COL18A1: variants seen among roughly 807,000 people sequenced by gnomAD.
The protein encoded by COL18A1 is collagen type XVIII alpha 1 chain.
Under a neutral mutation model 168.0 loss-of-function variants are expected in COL18A1, and 133 were observed. The ratio of observed to expected loss-of-function variants is 0.79; its 90% confidence interval spans 0.69 to 0.91. The LOEUF (loss-of-function observed/expected upper bound fraction) is 0.91, where lower values mean the gene tolerates loss of function less well. Among genes scored for constraint, COL18A1 ranks in the 40% least tolerant of loss-of-function variants. The probability of loss-of-function intolerance (pLI) is 0.00; values close to 1 mark genes in which losing one functional copy is unlikely to be tolerated. For synonymous variants in COL18A1, 949 were observed against 809.0 expected, an observed-to-expected ratio of 1.17 and a Z score of -2.94; for missense variants, 2,126 against 1,925.4, an observed-to-expected ratio of 1.10 and a Z score of -1.95.
At chr21:45,422,757 C>T (rs2033667280) in intron 2 of COL18A1, 2 of 228,914 alleles carry the variant, frequency 8.7e-6, no homozygotes, top group African/African-American at 4.7e-5. Context: ...CTTTGGGAGA[C>T]CACCTGGTGG....
Position 45,468,399 on chromosome 21 carries a change from C to T in COL18A1, c.264C>T (p.Phe88=). 2 of 1,614,028 alleles carry T rather than the reference C, an allele frequency of 1.2e-6. No homozygotes were observed. Among genetic ancestry groups the T allele is most frequent in the Non-Finnish European group, 1.7e-6 (2 of 1,180,034 alleles). ...QVARYHFPSL[F]FRDFSLLFHI... Reference sequence around the variant, plus strand: ...CCCGGTACCACTTCCCCAGCCTCTTCTTCCGTGACTTCTCACTGCTGTTCC... The same window carrying T: ...CCCGGTACCACTTCCCCAGCCTCTTTTTCCGTGACTTCTCACTGCTGTTCC... The change falls in exon 3 of 42, where the codon TTC becomes TTT. Residue 88 remains phenylalanine (F), a synonymous_variant. Coordinates refer to ENST00000651438, the MANE Select transcript of COL18A1 (RefSeq NM_001379500.1).
In COL18A1 at chr21:45,504,077, T is replaced by TG. The variant is rs747590582; in HGVS notation, c.2727+28dup. On this transcript the variant is annotated intron_variant, in intron 33 of 41. Coordinates refer to ENST00000651438, the MANE Select transcript of COL18A1 (RefSeq NM_001379500.1). ...AAGGTGGGTGACCTCCCTGTGGGGT[T>TG]GGGGGCCCCCAAGGTCCTGTACATC... is the stretch of plus-strand genomic sequence containing the variant. 1.9e-6 allele frequency: 3 copies of TG among 1,613,242 alleles called. No individual in the cohort carries two copies. In the East Asian group the frequency reaches 6.7e-5, roughly 36 times the overall value.
chr21:45,511,148 C>T lies in COL18A1; in HGVS notation c.3731C>T (p.Ser1244Leu). 1 of 1,598,342 alleles carries T rather than the reference C, an allele frequency of 6.3e-7. No homozygotes were observed. The highest frequency in any genetic ancestry group is 8.5e-7 in the Non-Finnish European group (1 of 1,172,366). The change falls in exon 41 of 42, where the codon TCA (serine) becomes TTA (leucine). Residue 1244 changes from serine (S) to leucine (L), a missense_variant. Physicochemically the swap from Ser to Leu is moderately radical, Grantham distance 145. Transcript: ENST00000651438. The stretch of plus-strand genomic sequence containing the variant: ...TTTCCCAGCTGGGAGGCTCTGTTCT[C>T]AGGCTCTGAGGGTCCGCTGAAGCCC... ...LLFPSWEALF[S>L]GSEGPLKPGA...
chr21:45,497,426 G>A (rs1245611055), intron 31 of COL18A1, among the ~76,000 whole-genome samples, 173 bp from the exon 32 acceptor site: 1 of 152,194 alleles, frequency 6.6e-6, no homozygotes, highest in Non-Finnish European at 1.5e-5. Flanking sequence ...GCCTGCTGAC[G>A]GGGACCCAGG....
intron 2 of COL18A1, among the ~76,000 whole-genome samples, chr21:45,429,963 G>T (rs754675044): frequency 4.0e-5 from 6 of 151,456 alleles, no homozygotes; most frequent in African/African-American, 1.5e-4. Context: ...TCTCCCTAGC[G>T]CCCTCTCGTC....
Position 45,443,153 on chromosome 21 carries a change from CGGCGGTGCTGGTGTGGGT to C in COL18A1, c.107-25086_107-25069del, listed in dbSNP as rs1402369133. 1.1e-3 allele frequency among the ~76,000 whole-genome samples: 145 copies of C among 136,586 alleles called. No homozygotes were observed. The highest frequency in any genetic ancestry group is 3.8e-3 in the Middle Eastern group (1 of 260). The allele number at this position is 136,586 out of a possible 152,430, so 89.6% of individuals were successfully genotyped here. ...GTGTGGGCGGCGGTGCTGGTGTGGG[CGGCGGTGCTGGTGTGGGT>C]GGATTCCTGGAGGACAGCTGGGTCT... On this transcript the variant is annotated intron_variant, in intron 2 of 41. Coordinates refer to ENST00000651438, the MANE Select transcript of COL18A1 (RefSeq NM_001379500.1). This position sits in a 1 kb window ranked among gnomAD's most constrained non-coding sequence, Gnocchi z 5.2.
At chr21:45,478,029 GA>G in intron 8 of COL18A1, 64 bp downstream of exon 8, 1 of 919,814 alleles carries the variant, frequency 1.1e-6, no homozygotes, top group Non-Finnish European at 1.7e-6. Context: ...GTAGGAGGGG[GA>G]GAGGCTGCGG....
intron 3 of COL18A1, among the ~76,000 whole-genome samples, chr21:45,470,980 G>A (rs997607216): frequency 2.0e-5 from 3 of 151,950 alleles, no homozygotes; most frequent in African/African-American, 4.8e-5. Context: ...CGTGGGTGGC[G>A]CGCTACAGGC....
rs113434535 is a variant in COL18A1 at position 45,422,168 on chromosome 21, T to TCA, written c.106+16712_106+16713dup. Among the ~76,000 whole-genome samples, 269 of 150,696 alleles carry TCA rather than the reference T, an allele frequency of 1.8e-3. No individual in the cohort carries two copies. In the South Asian group the frequency reaches 0.022, roughly 12 times the overall value. On this transcript the variant is annotated intron_variant, in intron 2 of 41. Coordinates refer to ENST00000651438, the MANE Select transcript of COL18A1 (RefSeq NM_001379500.1). Reference sequence around the variant, plus strand: ...ATACACATGGCTCACACACATGGGCTCACACACACACACACACATGCAGGC... The same window carrying TCA: ...ATACACATGGCTCACACACATGGGCTCACACACACACACACACACATGCAGGC...
chr21:45,451,000 C>T (rs117806619), intron 2 of COL18A1, among the ~76,000 whole-genome samples: 3,527 of 152,334 alleles, frequency 0.023, 58 homozygotes, highest in Middle Eastern at 0.061. Context: ...GTGGCTGCTC[C>T]GGCGGTGCCA....
chr21:45,504,010 G>A lies in COL18A1; in HGVS notation c.2684-1G>A. On this transcript the variant is annotated splice_acceptor_variant, in intron 32 of 41. Transcript: ENST00000651438. LOFTEE classifies it high-confidence loss of function. ...AGACCCCGCCTGTCTCTCTCTTGCAGGGCAGTTTCCGTTTGACTTTCTTCA... is the reference window on the plus strand; with the variant it reads ...AGACCCCGCCTGTCTCTCTCTTGCAAGGCAGTTTCCGTTTGACTTTCTTCA... 2 of 1,613,682 alleles carry A rather than the reference G, an allele frequency of 1.2e-6. No individual in the cohort carries two copies. Among genetic ancestry groups the A allele is most frequent in the East Asian group, 2.2e-5 (1 of 44,872 alleles).
intron 1 of COL18A1, 27 bp from the exon 2 acceptor site, chr21:45,405,352 G>C (rs188852688): frequency 8.5e-7 from 1 of 1,181,896 alleles, no homozygotes; most frequent in African/African-American, 1.7e-5. Context: ...GGTCCTGCGG[G>C]GTCTGACCCG....
chr21:45,480,898 T>A, intron 13 of COL18A1, 40 bp downstream of exon 13: 1 of 1,580,828 alleles, frequency 6.3e-7, no homozygotes, highest in Non-Finnish European at 8.6e-7. Context: ...GAGCCCTGTC[T>A]GCTGGGAGTG....
In COL18A1 at chr21:45,490,328, G is replaced by A. The variant is rs1378780755; in HGVS notation, c.2013G>A (p.Glu671=). The change falls in exon 20 of 42, where the codon GAG becomes GAA. Residue 671 remains glutamate, a synonymous_variant. Coordinates refer to ENST00000651438, the MANE Select transcript of COL18A1 (RefSeq NM_001379500.1). ...GGTTCCCCGGCCTCCCTGGCAGAGA[G>A]GGCATTGCTGGGCCCCAGGTGAGTT... The part of the protein sequence containing the change: ...VPGFPGLPGR[E]GIAGPQGPKG... 6.3e-7 allele frequency: 1 copy of A among 1,582,920 alleles called. No homozygotes were observed. The highest frequency in any genetic ancestry group is 1.8e-5 in the Admixed American group (1 of 55,316).
At chr21:45,509,318 G>A in intron 38 of COL18A1, 38 bp from the exon 39 acceptor site, 1 of 1,537,398 alleles carries the variant, frequency 6.5e-7, no homozygotes, top group Non-Finnish European at 8.7e-7. Context: ...CACCCGGAGG[G>A]TCCCCCCGCC....
At chr21:45,504,604 T>C in intron 34 of COL18A1, 48 bp downstream of exon 34, 5 of 1,528,318 alleles carry the variant, frequency 3.3e-6, no homozygotes, top group Non-Finnish European at 4.4e-6. Context: ...GGGGTCTGGG[T>C]GCAGGAGCCG....
chr21:45,468,548 T>C lies in COL18A1; in HGVS notation c.413T>C (p.Leu138Pro). 6.2e-7 allele frequency: 1 copy of C among 1,613,506 alleles called. No individual in the cohort carries two copies. The highest frequency in any genetic ancestry group is 8.5e-7 in the Non-Finnish European group (1 of 1,179,952). The change falls in exon 3 of 42, where the codon CTC becomes CCC. Residue 138 changes from leucine to proline, a missense_variant. Physicochemically the swap from Leu to Pro is moderately conservative, Grantham distance 98. Coordinates refer to ENST00000651438, the MANE Select transcript of COL18A1 (RefSeq NM_001379500.1). ...GACGGGCACCAGGACATCTCCCTGC[T>C]CTACACAGAACCAGGTGCAGGCCAG... The part of the protein sequence containing the change: ...VQDGHQDISL[L>P]YTEPGAGQTH...
At chr21:45,434,197 C>T (rs1053209014) in intron 2 of COL18A1, among the ~76,000 whole-genome samples, 6 of 122,470 alleles carry the variant, frequency 4.9e-5, no homozygotes, top group African/African-American at 9.1e-5. Flanking sequence ...GTGGCTTCAC[C>T]GGGGGGTGGT....
In COL18A1 at chr21:45,478,491, T is replaced by C; in HGVS notation, c.1248+138T>C. ...AGCAAAACCATTTTGAAAGTGGAAT[T>C]TTGTAAAGAAAAGATGAGTGTAACT... is the stretch of plus-strand genomic sequence containing the variant. On this transcript the variant is annotated intron_variant, in intron 9 of 41. Transcript: ENST00000651438. The C allele has an allele frequency of 5.1e-6, 6 of 1,176,602 alleles. No homozygotes were observed. The South Asian group carries it at 6.2e-5, about 12-fold the overall frequency. The allele number at this position is 1,176,602 out of a possible 1,614,324, so 72.9% of individuals were successfully genotyped here.
Sources: allele counts gnomAD v4.1 joint callset (sites outside exome capture counted in the v4.1 genomes callset), GRCh38; gene constraint gnomAD v4.1.1; non-coding constraint Gnocchi (gnomAD v3.1); transcripts MANE v1.5; gene names NCBI Gene and HGNC (gene_info 2026-07-23, HGNC 2026-07-21).